Variants in SPAG17 observed in about 807,000 individuals in gnomAD.
SPAG17 encodes sperm-associated antigen 17.
A neutral mutation model predicts 273.6 loss-of-function variants in SPAG17; 169 were observed. The observed-to-expected ratio is 0.62, with a 90% CI of 0.55 to 0.70. The LOEUF (loss-of-function observed/expected upper bound fraction) is 0.70, where lower values mean the gene tolerates loss of function less well. Among genes scored for constraint, SPAG17 ranks in the 30% least tolerant of loss-of-function variants. The pLI is 0.00. For synonymous variants in SPAG17, 825 were observed against 873.2 expected, an observed-to-expected ratio of 0.94 and a Z score of 0.97; for missense variants, 2,557 against 2,627.8, an observed-to-expected ratio of 0.97 and a Z score of 0.59.
intron 43 of SPAG17, 109 bp downstream of exon 43, chr1:117,981,161 C>T (rs562441666): frequency 1.2e-5 from 15 of 1,234,976 alleles, no homozygotes; most frequent in East Asian, 5.5e-5. Flanking sequence ...GTGACCCTCT[C>T]GATTTTTTTC....
intron 1 of SPAG17, among the ~76,000 whole-genome samples, chr1:118,166,216 A>C (rs1278092548): frequency 6.6e-6 from 1 of 152,226 alleles, no homozygotes; most frequent in African/African-American, 2.4e-5. Context: ...TTTAACAGAA[A>C]ACACACTAAG....
At chr1:118,057,961 A>C (rs985923172) in intron 18 of SPAG17, among the ~76,000 whole-genome samples, 2 of 152,004 alleles carry the variant, frequency 1.3e-5, no homozygotes, top group African/African-American at 4.8e-5. Context: ...AGAATGTATA[A>C]CTTTTTAAAA....
At chr1:118,152,122 G>C (rs916218656) in intron 1 of SPAG17, among the ~76,000 whole-genome samples, 1 of 152,016 alleles carries the variant, frequency 6.6e-6, no homozygotes, top group African/African-American at 2.4e-5. Flanking sequence ...TCCTGCTTTT[G>C]AACACTAACA....
chr1:118,041,565 A>C (rs1364467129), intron 21 of SPAG17, among the ~76,000 whole-genome samples: 1 of 152,076 alleles, frequency 6.6e-6, no homozygotes, highest in Non-Finnish European at 1.5e-5. Flanking sequence ...TATTGACCTT[A>C]GCTAGGTTCG....
At chr1:117,990,720 C>T in intron 38 of SPAG17, 141 bp downstream of exon 38, 1 of 517,928 alleles carries the variant, frequency 1.9e-6, no homozygotes, top group Non-Finnish European at 3.5e-6. Context: ...TAAACCACCA[C>T]AACACAACAT....
chr1:118,093,054 G>A (rs1237155552), intron 8 of SPAG17, 102 bp downstream of exon 8: 1 of 1,260,440 alleles, frequency 7.9e-7, no homozygotes, highest in Non-Finnish European at 1.1e-6. Flanking sequence ...TGACCTTAAT[G>A]TAAGTATTTA....
At chr1:118,150,334 AT>A (rs2102347817) in intron 3 of SPAG17, 1 of 366,906 alleles carries the variant, frequency 2.7e-6, no homozygotes, top group East Asian at 4.9e-5. Context: ...GATCTAGGAA[AT>A]TGTATTTGTA....
intron 42 of SPAG17, among the ~76,000 whole-genome samples, chr1:117,982,670 A>G (rs914615738): frequency 1.3e-5 from 2 of 152,154 alleles, no homozygotes; most frequent in Admixed American, 6.5e-5. Context: ...CACCATCATC[A>G]TACCCAAGAA....
intron 4 of SPAG17, among the ~76,000 whole-genome samples, chr1:118,110,928 A>G (rs1294897581): frequency 1.3e-5 from 2 of 152,162 alleles, no homozygotes; most frequent in Non-Finnish European, 2.9e-5. Context: ...TCTTCCACTG[A>G]GAGTAGCTGT....
Position 117,971,908 on chromosome 1 carries a change from T to A in SPAG17, c.6281A>T (p.Tyr2094Phe). Residue 2094 changes from tyrosine (Y) to phenylalanine (F), a missense_variant, in exon 45 of 49, where the codon TAT becomes TTT. Physicochemically the swap from Tyr to Phe is conservative, Grantham distance 22. Transcript: ENST00000336338. ...ATTCTTGAGCTTTACAACTGTGGCA[T>A]AGGTATGTCCTTCCTTAAGCACTCC... The part of the protein sequence containing the change: ...KFGVLKEGHT[Y>F]ATVVKLKNVG... The A allele has an allele frequency of 6.2e-7, 1 of 1,614,012 alleles. No individual in the cohort carries two copies. Among genetic ancestry groups the A allele is most frequent in the South Asian group, 1.1e-5 (1 of 91,022 alleles).
chr1:117,981,196 G>A (rs1655758191), intron 43 of SPAG17, 74 bp downstream of exon 43: 1 of 1,451,674 alleles, frequency 6.9e-7, no homozygotes, highest in African/African-American at 1.5e-5. Flanking sequence ...TCGCCTCCTA[G>A]CGCCATCTCC....
intron 3 of SPAG17, among the ~76,000 whole-genome samples, chr1:118,137,841 C>T (rs988415737): frequency 6.6e-6 from 1 of 152,192 alleles, no homozygotes; most frequent in African/African-American, 2.4e-5. Context: ...TCCTCCCAGC[C>T]TATACCCATG....
Position 117,953,884 on chromosome 1 carries a change from C to G in SPAG17, c.*166G>C, listed in dbSNP as rs148649075. 3.8e-6 allele frequency: 3 copies of G among 794,944 alleles called. No individual in the cohort carries two copies. In the African/African-American group the frequency reaches 5.2e-5, roughly 14 times the overall value. The allele number at this position is 794,944 out of a possible 1,614,324, so 49.2% of individuals were successfully genotyped here. A position where few individuals can be genotyped will look rare whatever the true frequency, so the allele number is the denominator to read the frequency against. ...AATGCTTTTTGGCACTCTATTCGCA[C>G]GTCTTTATTAAACAGATTGAAGCTA... On this transcript the variant is annotated 3_prime_UTR_variant, in exon 49 of 49. Transcript: ENST00000336338.
At chr1:118,031,981 C>A in intron 24 of SPAG17, 114 bp from the exon 25 acceptor site, 6 of 780,468 alleles carry the variant, frequency 7.7e-6, no homozygotes, top group East Asian at 2.7e-5. Context: ...TTTTACCTTG[C>A]TAAATATGAT....
At chr1:118,153,437 T>G (rs1659494185) in intron 1 of SPAG17, among the ~76,000 whole-genome samples, 1 of 152,200 alleles carries the variant, frequency 6.6e-6, no homozygotes, top group Non-Finnish European at 1.5e-5. Flanking sequence ...GAATAAGTCT[T>G]TGGGCTCAGA....
At chr1:118,031,924 G>T in intron 24 of SPAG17, 57 bp from the exon 25 acceptor site, 2 of 1,382,830 alleles carry the variant, frequency 1.4e-6, no homozygotes, top group Non-Finnish European at 2.0e-6. Context: ...TGATATCCTT[G>T]TGAAATAACA....
intron 28 of SPAG17, among the ~76,000 whole-genome samples, chr1:118,019,680 A>G (rs562593802): frequency 6.6e-6 from 1 of 152,336 alleles, no homozygotes; most frequent in East Asian, 1.9e-4. Context: ...AGTCAAATTT[A>G]TTGAAATTGT....
rs558182056 is a variant in SPAG17 at position 117,985,909 on chromosome 1, T to C, written c.5670-1127A>G. 6.6e-5 allele frequency among the ~76,000 whole-genome samples: 10 copies of C among 152,266 alleles called. 1 individual carries two copies. The South Asian group carries it at 8.3e-4, about 13-fold the overall frequency. On this transcript the variant is annotated intron_variant, in intron 40 of 48. Coordinates refer to ENST00000336338, the MANE Select transcript of SPAG17 (RefSeq NM_206996.4). ...CCCAGGTTGCTTGCCTCCAAACCCATGGTCTTGACAACTGCACATGCTAGT... is the reference window on the plus strand; with the variant it reads ...CCCAGGTTGCTTGCCTCCAAACCCACGGTCTTGACAACTGCACATGCTAGT...
At chr1:118,137,732 T>C (rs1387973773) in intron 3 of SPAG17, among the ~76,000 whole-genome samples, 2 of 152,204 alleles carry the variant, frequency 1.3e-5, no homozygotes, top group East Asian at 1.9e-4. Flanking sequence ...TTTTAATGTA[T>C]AAATATATCT....
Sources: allele counts gnomAD v4.1 joint callset (sites outside exome capture counted in the v4.1 genomes callset), GRCh38; gene constraint gnomAD v4.1.1; transcripts MANE v1.5; gene names NCBI Gene and HGNC (gene_info 2026-07-23, HGNC 2026-07-21).